The following MGAM variants were observed in gnomAD, a reference collection of about 807,000 sequenced individuals.
The protein encoded by MGAM is maltase-glucoamylase.
In MGAM, 253 loss-of-function variants were observed where a neutral mutation model predicts 358.8. The observed-to-expected ratio is 0.71, with a 90% CI of 0.64 to 0.78. MGAM has a LOEUF of 0.78. Among genes scored for constraint, MGAM ranks in the 30% least tolerant of loss-of-function variants. MGAM has a pLI of 0.00. For missense variants in MGAM, 3,080 were observed against 3,432.6 expected, an observed-to-expected ratio of 0.90 and a Z score of 2.57; for synonymous variants, 1,105 against 1,227.1, an observed-to-expected ratio of 0.90 and a Z score of 2.08.
At chr7:142,044,926 G>A (rs1468373194) in intron 21 of MGAM, among the ~76,000 whole-genome samples, 1 of 88,920 alleles carries the variant, frequency 1.1e-5, no homozygotes, top group African/African-American at 4.3e-5. Flanking sequence ...ATATACACGT[G>A]TAATATATGA....
intron 14 of MGAM, 108 bp from the exon 15 acceptor site, chr7:142,034,154 T>C (rs1283396951): frequency 4.4e-6 from 3 of 688,136 alleles, no homozygotes; most frequent in Non-Finnish European, 7.7e-6. Flanking sequence ...GTTTACAGGA[T>C]GCCCACAAAA....
intron 4 of MGAM, among the ~76,000 whole-genome samples, chr7:142,020,454 A>G (rs1806335432): frequency 6.6e-6 from 1 of 152,050 alleles, no homozygotes; most frequent in African/African-American, 2.4e-5. Context: ...ATAGATTTTT[A>G]TAAAATGTAA....
At position 142,086,234 on chromosome 7, in the gene MGAM, G is replaced by T; in HGVS notation, c.6653G>T (p.Gly2218Val). 6.5e-7 allele frequency: 1 copy of T among 1,538,584 alleles called. No individual in the cohort carries two copies. The highest frequency in any genetic ancestry group is 8.9e-7 in the Non-Finnish European group (1 of 1,123,080). ...TGATTTCAGGATCCAGCCATTTCTGGCAATGAGACACAGCCCTATCCTGCC... is the reference window on the plus strand; with the variant it reads ...TGATTTCAGGATCCAGCCATTTCTGTCAATGAGACACAGCCCTATCCTGCC... ...VILILDPAIS[G>V]NETQPYPAFT... Residue 2218 changes from glycine (G) to valine (V), a missense_variant, in exon 56 of 71, where the codon GGC becomes GTC. Coordinates refer to ENST00000475668, the MANE Select transcript of MGAM (RefSeq NM_001365693.1).
chr7:142,029,132 C>T (rs948980335), intron 10 of MGAM, among the ~76,000 whole-genome samples: 22 of 152,024 alleles, frequency 1.4e-4, no homozygotes, highest in Admixed American at 2.0e-4. Context: ...AGGCAGATCA[C>T]GAGGTCAGGA....
upstream of MGAM, among the ~76,000 whole-genome samples, chr7:141,995,267 G>T (rs1435381297): frequency 1.3e-5 from 2 of 149,112 alleles, no homozygotes; most frequent in Admixed American, 1.3e-4. Flanking sequence ...AAATCCCCTA[G>T]AAAACATAAT....
At position 142,050,669 on chromosome 7, in the gene MGAM, T is replaced by G. The variant is rs535835145; in HGVS notation, c.2638-28T>G. On this transcript the variant is annotated intron_variant, in intron 23 of 70. Transcript: ENST00000475668. ...ATCTGTGTATACTCATATACCTTTATGCATACTTGGACTTAATTGTTTTGC... is the reference window on the plus strand; with the variant it reads ...ATCTGTGTATACTCATATACCTTTAGGCATACTTGGACTTAATTGTTTTGC... The G allele has an allele frequency of 8.8e-4, 1,414 of 1,600,586 alleles. 21 individuals carry two copies. The South Asian group carries it at 0.015, about 17-fold the overall frequency.
At chr7:142,092,438 T>C (rs1041245937) in intron 58 of MGAM, 83 bp from the exon 59 acceptor site, 3 of 1,295,848 alleles carry the variant, frequency 2.3e-6, no homozygotes, top group African/African-American at 2.8e-5. Context: ...TGTTGAACAA[T>C]GTATTCACTG....
At chr7:142,052,101 A>G (rs1413013899) in intron 24 of MGAM, among the ~76,000 whole-genome samples, 193 bp from the exon 25 acceptor site, 1 of 152,090 alleles carries the variant, frequency 6.6e-6, no homozygotes, top group African/African-American at 2.4e-5. Flanking sequence ...TAGAGGGGAG[A>G]CATTTGACCT....
rs764178846 is a variant in MGAM at position 142,066,764 on chromosome 7, T to C, written c.4919+43T>C. ...ATCCCGATGACTAATGGATGACTTA[T>C]TGCATTCTATGTGGTAGCAGTTGAT... On this transcript the variant is annotated intron_variant, in intron 41 of 70. Coordinates refer to ENST00000475668, the MANE Select transcript of MGAM (RefSeq NM_001365693.1). 9.1e-6 allele frequency: 14 copies of C among 1,530,088 alleles called. 1 individual carries two copies. Among genetic ancestry groups the C allele is most frequent in the Non-Finnish European group, 1.2e-5 (13 of 1,115,786 alleles). 94.8% of individuals were successfully genotyped at this position (1,530,088 alleles called of 1,614,324 possible). A position where few individuals can be genotyped will look rare whatever the true frequency, so the allele number is the denominator to read the frequency against.
In MGAM at chr7:142,094,617, C is replaced by G. The variant is rs1254519260; in HGVS notation, c.7307-3C>G. ...TGTGACACAGCTGTGCTTCTCGTTGCAGGCATGATGGAGTTCAGCCTCTTC... is the reference window on the plus strand; with the variant it reads ...TGTGACACAGCTGTGCTTCTCGTTGGAGGCATGATGGAGTTCAGCCTCTTC... On this transcript the variant is annotated splice_region_variant and splice_polypyrimidine_tract_variant and intron_variant, in intron 61 of 70. Coordinates refer to ENST00000475668, the MANE Select transcript of MGAM (RefSeq NM_001365693.1). The G allele has an allele frequency of 5.0e-6, 8 of 1,609,496 alleles. 1 individual carries two copies. The highest frequency in any genetic ancestry group is 6.8e-6 in the Non-Finnish European group (8 of 1,177,304).
chr7:141,999,109 T>C (rs963219339), intron 1 of MGAM, among the ~76,000 whole-genome samples: 1 of 152,186 alleles, frequency 6.6e-6, no homozygotes, highest in East Asian at 1.9e-4. Flanking sequence ...ATCTGTTTTG[T>C]TCATTGTTGT....
chr7:142,019,131 T>C, intron 3 of MGAM, 68 bp from the exon 4 acceptor site: 1 of 1,514,676 alleles, frequency 6.6e-7, no homozygotes, highest in Middle Eastern at 1.9e-4. Flanking sequence ...AAATTAGATG[T>C]TTCGTGCTTT....
chr7:142,079,029 A>T (rs556999509), intron 49 of MGAM, 21 bp downstream of exon 49: 2 of 1,523,932 alleles, frequency 1.3e-6, no homozygotes, highest in African/African-American at 2.7e-5. Flanking sequence ...TACATATATC[A>T]GGCAGTGATA....
chr7:142,095,859 C>A, intron 64 of MGAM, 146 bp downstream of exon 64: 1 of 1,274,910 alleles, frequency 7.8e-7, no homozygotes, highest in Non-Finnish European at 1.1e-6. Flanking sequence ...CTCTCTTTAG[C>A]ACAGTGCTAT....
chr7:142,008,837 C>T (rs782761776), intron 3 of MGAM, 132 bp downstream of exon 3: 1 of 940,848 alleles, frequency 1.1e-6, no homozygotes, highest in Non-Finnish European at 1.6e-6. Context: ...CCATTAGTGG[C>T]TCAGGCAAAT....
intron 22 of MGAM, among the ~76,000 whole-genome samples, chr7:142,048,113 CTTTTTATTTATTTATTTATT>C (rs71166553): frequency 0.27 from 40,367 of 147,560 alleles, 6,632 homozygotes; most frequent in Non-Finnish European, 0.35. Context: ...CTATAATAGG[CTTTTTATTTATTTATTTATT>C]TATTTATTTA....
At chr7:142,059,773 C>A (rs571168560) in intron 32 of MGAM, 83 bp from the exon 33 acceptor site, 2 of 1,567,018 alleles carry the variant, frequency 1.3e-6, no homozygotes, top group South Asian at 2.3e-5. Context: ...CCAGCGAGTT[C>A]ACCCTTGAGG....
chr7:142,081,715 T>G (rs886542203), intron 50 of MGAM, among the ~76,000 whole-genome samples: 4 of 145,358 alleles, frequency 2.8e-5, no homozygotes, highest in African/African-American at 9.8e-5. Context: ...CTTTGAGTGC[T>G]ACGTAGAAAA....
chr7:142,027,170 C>G lies in MGAM; in HGVS notation c.1038C>G (p.Leu346=). The G allele has an allele frequency of 6.2e-7, 1 of 1,613,754 alleles. No individual in the cohort carries two copies. Among genetic ancestry groups the G allele is most frequent in the Non-Finnish European group, 8.5e-7 (1 of 1,179,718 alleles). ...AITYRTIGGI[L]DFYVFLGNTP... Reference sequence around the variant, plus strand: ...CTTACCGCACCATTGGGGGCATTCTCGACTTCTATGTGTTCTTGGGAAACA... The same window carrying G: ...CTTACCGCACCATTGGGGGCATTCTGGACTTCTATGTGTTCTTGGGAAACA... Residue 346 remains leucine, a synonymous_variant, in exon 9 of 71, where the codon CTC becomes CTG. Transcript: ENST00000475668.
Sources: allele counts gnomAD v4.1 joint callset (sites outside exome capture counted in the v4.1 genomes callset), GRCh38; gene constraint gnomAD v4.1.1; transcripts MANE v1.5; gene names NCBI Gene and HGNC (gene_info 2026-07-23, HGNC 2026-07-21).